CRISPLD2: variants seen among roughly 807,000 people sequenced by gnomAD.
The protein encoded by CRISPLD2 is cysteine-rich secretory protein LCCL domain-containing 2.
A neutral mutation model predicts 71.1 loss-of-function variants in CRISPLD2; 47 were observed. That is an observed-to-expected ratio of 0.66 (90% CI 0.52 to 0.84). The LOEUF (loss-of-function observed/expected upper bound fraction) is 0.84. Among genes scored for constraint, CRISPLD2 ranks in the 40% least tolerant of loss-of-function variants. The pLI is 0.00. For missense variants in CRISPLD2, 830 were observed against 651.1 expected (o/e 1.27, Z -2.99); for synonymous variants, 317 against 250.1 (o/e 1.27, Z -2.52).
chr16:84,863,469 T>C (rs1217454771), intron 6 of CRISPLD2, among the ~76,000 whole-genome samples: 2 of 151,984 alleles, frequency 1.3e-5, no homozygotes, highest in African/African-American at 4.8e-5. Flanking sequence ...GATAAGGATA[T>C]AAAAAAAGAG....
chr16:84,896,452 C>G lies in CRISPLD2; in HGVS notation c.1439+7089C>G, dbSNP rs1313349886. Among the ~76,000 whole-genome samples the G allele has an allele frequency of 2.6e-5, 4 of 152,132 alleles. No individual in the cohort carries two copies. In the East Asian group the frequency reaches 5.8e-4, roughly 22 times the overall value. The stretch of plus-strand genomic sequence containing the variant: ...GTCTTAGACACTTAAGATCGTTCAA[C>G]TTATGACTTTTCAACTTTATAATGG... On this transcript the variant is annotated intron_variant, in intron 14 of 14. Transcript: ENST00000262424.
rs374345728 is a variant in CRISPLD2, at chr16:84,880,512, C to A, written c.1233C>A (p.Ile411=). 3.1e-6 allele frequency: 5 copies of A among 1,610,960 alleles called. No homozygotes were observed. Among genetic ancestry groups the A allele is most frequent in the Non-Finnish European group, 4.2e-6 (5 of 1,178,072 alleles). Residue 411 remains isoleucine, a synonymous_variant, in exon 13 of 15, where the codon ATC becomes ATA. Coordinates refer to ENST00000262424, the MANE Select transcript of CRISPLD2 (RefSeq NM_031476.4). The part of the protein sequence containing the change: ...FEKPATHCPR[I]HCPAHCKDEP... ...ATAAATGCTTCCTGTTTTTCAGAAT[C>A]CATTGTCCGGCACACTGCAAAGACG...
chr16:84,896,739 A>G lies in CRISPLD2; in HGVS notation c.1439+7376A>G, dbSNP rs556969608. ...CGCGACCCACCGTAAGTCAGGGAGC[A>G]TCTGTGTCCACAGTCATGTATGTAC... On this transcript the variant is annotated intron_variant, in intron 14 of 14. Coordinates refer to ENST00000262424, the MANE Select transcript of CRISPLD2 (RefSeq NM_031476.4). Among the ~76,000 whole-genome samples, 4 of 152,334 alleles carry G rather than the reference A, an allele frequency of 2.6e-5. No homozygotes were observed. In the East Asian group the frequency reaches 7.7e-4, roughly 29 times the overall value.
intron 1 of CRISPLD2, among the ~76,000 whole-genome samples, chr16:84,829,394 G>C (rs1916432277): frequency 6.6e-6 from 1 of 152,198 alleles, no homozygotes; most frequent in Non-Finnish European, 1.5e-5. Flanking sequence ...CAAGGGATCT[G>C]CCAGAGACAC....
chr16:84,869,266 G>A (rs79974119), intron 8 of CRISPLD2, among the ~76,000 whole-genome samples: 2 of 152,048 alleles, frequency 1.3e-5, no homozygotes, highest in South Asian at 4.1e-4. Context: ...TTTGGTTTTG[G>A]CAGTGTGACT....
intron 14 of CRISPLD2, among the ~76,000 whole-genome samples, chr16:84,902,763 G>A (rs1408206421): frequency 2.1e-5 from 3 of 143,140 alleles, no homozygotes; most frequent in African/African-American, 5.4e-5. Context: ...TTGGAAAATC[G>A]GCCCATTGCT....
intron 5 of CRISPLD2, among the ~76,000 whole-genome samples, chr16:84,851,518 G>A (rs1484654632): frequency 6.6e-6 from 1 of 152,228 alleles, no homozygotes. Context: ...TTTGTTTTGG[G>A]TCAGGAGTAG....
At chr16:84,866,381 G>A (rs933791634) in intron 6 of CRISPLD2, among the ~76,000 whole-genome samples, 2 of 152,024 alleles carry the variant, frequency 1.3e-5, no homozygotes, top group Non-Finnish European at 2.9e-5. Flanking sequence ...GATGACAGGC[G>A]TCCGCCACCA....
chr16:84,850,157 C>T (rs1362706767), intron 4 of CRISPLD2, among the ~76,000 whole-genome samples: 3 of 151,196 alleles, frequency 2.0e-5, no homozygotes, highest in Non-Finnish European at 4.4e-5. Flanking sequence ...GTGGCACGAT[C>T]TTGGCTCACC....
chr16:84,883,930 G>A (rs567954395), intron 13 of CRISPLD2, among the ~76,000 whole-genome samples: 47 of 147,206 alleles, frequency 3.2e-4, no homozygotes, highest in African/African-American at 1.2e-3. Context: ...TGCAACCTCC[G>A]CCTCCTGAGT....
In CRISPLD2 at chr16:84,838,347, G is replaced by C. The variant is rs774887151; in HGVS notation, c.-74-75G>C. ...AAATGGAGAGAGTCGTGTGTGCTGCGTTCGCTGCTCCAGCCAGCGCTGTGA... is the reference window on the plus strand; with the variant it reads ...AAATGGAGAGAGTCGTGTGTGCTGCCTTCGCTGCTCCAGCCAGCGCTGTGA... On this transcript the variant is annotated intron_variant, in intron 1 of 14. Coordinates refer to ENST00000262424, the MANE Select transcript of CRISPLD2 (RefSeq NM_031476.4). 7.1e-5 allele frequency: 65 copies of C among 915,110 alleles called. No homozygotes were observed. The East Asian group carries it at 1.5e-3, about 21-fold the overall frequency. The allele number at this position is 915,110 out of a possible 1,614,324, so 56.7% of individuals were successfully genotyped here.
chr16:84,854,176 C>G (rs942522558), intron 5 of CRISPLD2, among the ~76,000 whole-genome samples: 1 of 152,236 alleles, frequency 6.6e-6, no homozygotes, highest in African/African-American at 2.4e-5. Flanking sequence ...GGGCAAGTCA[C>G]TTAACCTCAC....
rs144910144 is a variant in CRISPLD2, at chr16:84,863,837, G to A, written c.710-3060G>A. 4.9e-3 allele frequency among the ~76,000 whole-genome samples: 749 copies of A among 151,684 alleles called. 4 individuals are homozygous for A. Among genetic ancestry groups the A allele is most frequent in the African/African-American group, 0.017 (686 of 41,348 alleles). On this transcript the variant is annotated intron_variant, in intron 6 of 14. Coordinates refer to ENST00000262424, the MANE Select transcript of CRISPLD2 (RefSeq NM_031476.4). ...TACACAATTAGCCGGGCATGGTGGC[G>A]CATGCCTGTAATCCCAGGCTGAGGT... is the stretch of plus-strand genomic sequence containing the variant.
chr16:84,878,428 C>A (rs1239440579), intron 12 of CRISPLD2, among the ~76,000 whole-genome samples: 1 of 152,186 alleles, frequency 6.6e-6, no homozygotes, highest in East Asian at 1.9e-4. Flanking sequence ...AATTATGGCG[C>A]CGTGGCAGGG....
chr16:84,890,191 C>G (rs762089341), intron 14 of CRISPLD2, among the ~76,000 whole-genome samples: 96 of 151,986 alleles, frequency 6.3e-4, no homozygotes, highest in Non-Finnish European at 1.2e-3. Flanking sequence ...ACCCCCGTCT[C>G]TACTAAAAAT....
intron 14 of CRISPLD2, among the ~76,000 whole-genome samples, chr16:84,899,910 G>T (rs906612796): frequency 1.3e-5 from 2 of 152,150 alleles, no homozygotes; most frequent in African/African-American, 4.8e-5. Flanking sequence ...AACGTGGCTT[G>T]CCCCCCATGC....
At chr16:84,859,926 C>A (rs1363184684) in intron 6 of CRISPLD2, among the ~76,000 whole-genome samples, 1 of 152,232 alleles carries the variant, frequency 6.6e-6, no homozygotes, top group Non-Finnish European at 1.5e-5. Context: ...ACTGTTAGAT[C>A]TGACATACAG....
At chr16:84,869,171 T>C (rs928921320) in intron 8 of CRISPLD2, among the ~76,000 whole-genome samples, 3 of 152,170 alleles carry the variant, frequency 2.0e-5, no homozygotes, top group African/African-American at 7.2e-5. Flanking sequence ...GGGCCACCGG[T>C]ATATTCCCCC....
rs751481884 is a variant in CRISPLD2, at chr16:84,873,030, C to A, written c.1020C>A (p.Ile340=). ...SICRAAIHYG[I]LDDKGGLVDI... is the part of the protein sequence containing the mutation. The stretch of plus-strand genomic sequence containing the variant: ...GCCGCGCCGCCATCCACTACGGGAT[C>A]CTGGATGACAAGGGAGGCCTGGTGG... The change falls in exon 10 of 15, where the codon ATC becomes ATA. Residue 340 remains isoleucine (I), a synonymous_variant. Transcript: ENST00000262424. 2 of 1,613,814 alleles carry A rather than the reference C, an allele frequency of 1.2e-6. No individual in the cohort carries two copies. Among genetic ancestry groups the A allele is most frequent in the African/African-American group, 1.3e-5 (1 of 74,878 alleles).
Sources: allele counts gnomAD v4.1 joint callset (sites outside exome capture counted in the v4.1 genomes callset), GRCh38; gene constraint gnomAD v4.1.1; transcripts MANE v1.5; gene names NCBI Gene and HGNC (gene_info 2026-07-23, HGNC 2026-07-21).